Variants in MCTP2 observed in about 807,000 individuals in gnomAD.
MCTP2 encodes multiple C2 and transmembrane domain-containing protein 2.
MCTP2 carries 132 observed loss-of-function variants against 111.6 expected under a neutral mutation model. The observed-to-expected ratio is 1.18, with a 90% CI of 1.03 to 1.37. MCTP2 has a LOEUF of 1.37. MCTP2 is among the 40% of genes most tolerant of loss of function. The pLI is 0.00. For missense variants in MCTP2, 1,183 were observed against 1,067.9 expected, an observed-to-expected ratio of 1.11 and a Z score of -1.50; for synonymous variants, 395 against 387.7, an observed-to-expected ratio of 1.02 and a Z score of -0.22.
chr15:94,257,798 G>A (rs1057250084), intron 1 of MCTP2, among the ~76,000 whole-genome samples: 2 of 151,486 alleles, frequency 1.3e-5, no homozygotes, highest in Non-Finnish European at 2.9e-5. Flanking sequence ...TGTTGGCCAG[G>A]CTGGTCTTGA....
chr15:94,465,313 T>C (rs1375384112), intron 20 of MCTP2, among the ~76,000 whole-genome samples: 1 of 152,046 alleles, frequency 6.6e-6, no homozygotes, highest in Non-Finnish European at 1.5e-5. Flanking sequence ...ATGTCTGAAA[T>C]CATGGATAGT....
chr15:94,310,169 C>T (rs879572407), intron 2 of MCTP2, among the ~76,000 whole-genome samples: 4 of 152,284 alleles, frequency 2.6e-5, no homozygotes, highest in African/African-American at 4.8e-5. Flanking sequence ...ACAACCTTTA[C>T]GGATTTCGAA....
At chr15:94,256,520 G>A (rs2072782199) in intron 1 of MCTP2, among the ~76,000 whole-genome samples, 1 of 152,146 alleles carries the variant, frequency 6.6e-6, no homozygotes, top group Non-Finnish European at 1.5e-5. Context: ...CTTTCAGATA[G>A]CCAGTCTCAG....
intron 14 of MCTP2, among the ~76,000 whole-genome samples, chr15:94,396,454 A>T (rs572545683): frequency 5.9e-5 from 9 of 151,990 alleles, no homozygotes; most frequent in Non-Finnish European, 8.8e-5. Context: ...GTGTGTGTGT[A>T]TATATATATG....
At chr15:94,367,052 C>T (rs2079218918) in intron 10 of MCTP2, among the ~76,000 whole-genome samples, 2 of 152,212 alleles carry the variant, frequency 1.3e-5, no homozygotes, top group Non-Finnish European at 2.9e-5. Context: ...CCTGGGGAAA[C>T]CCTGTGGCAC....
At chr15:94,436,639 C>A (rs905250028) in intron 17 of MCTP2, among the ~76,000 whole-genome samples, 1 of 152,136 alleles carries the variant, frequency 6.6e-6, no homozygotes, top group African/African-American at 2.4e-5. Context: ...CTAAAACAAC[C>A]ATCTCCTTAA....
intron 17 of MCTP2, among the ~76,000 whole-genome samples, chr15:94,426,151 AG>A (rs2082881060): frequency 1.3e-5 from 2 of 151,300 alleles, no homozygotes; most frequent in Non-Finnish European, 3.0e-5. Context: ...TGAGAGAGAG[AG>A]AGAGAGAGAG....
chr15:94,454,968 G>C (rs535641852), intron 19 of MCTP2, among the ~76,000 whole-genome samples: 46 of 152,214 alleles, frequency 3.0e-4, no homozygotes, highest in African/African-American at 1.0e-3. Flanking sequence ...TTACAGGCAT[G>C]TGCCACCACA....
chr15:94,390,074 A>ATATATATATG (rs1567602313), intron 14 of MCTP2, among the ~76,000 whole-genome samples: 2,407 of 25,704 alleles, frequency 0.094, 83 homozygotes, highest in Non-Finnish European at 0.16. Context: ...ATATATATAT[A>ATATATATATG]TATATATATA....
intron 20 of MCTP2, among the ~76,000 whole-genome samples, chr15:94,468,814 G>A (rs1010046810): frequency 1.3e-5 from 2 of 152,098 alleles, no homozygotes; most frequent in Admixed American, 6.5e-5. Context: ...TTTTAGTAGA[G>A]ATGAGATTTC....
At chr15:94,415,341 ACT>A (rs1292807660) in intron 17 of MCTP2, among the ~76,000 whole-genome samples, 2 of 151,990 alleles carry the variant, frequency 1.3e-5, no homozygotes, top group Non-Finnish European at 2.9e-5. Flanking sequence ...AAAGGCATAA[ACT>A]CTGAATTAGG....
At chr15:94,266,096 G>A (rs1305941274) in intron 1 of MCTP2, among the ~76,000 whole-genome samples, 2 of 115,592 alleles carry the variant, frequency 1.7e-5, no homozygotes, top group Admixed American at 8.6e-5. Context: ...ACACACACAC[G>A]TGCTCTACAG....
At chr15:94,388,144 G>C (rs2080626067) in intron 14 of MCTP2, among the ~76,000 whole-genome samples, 1 of 152,238 alleles carries the variant, frequency 6.6e-6, no homozygotes, top group African/African-American at 2.4e-5. Context: ...AGGCCAGGAA[G>C]TGCTTGATTT....
chr15:94,320,221 C>A (rs1010979871), intron 4 of MCTP2, among the ~76,000 whole-genome samples: 1 of 150,220 alleles, frequency 6.7e-6, no homozygotes, highest in African/African-American at 2.5e-5. Context: ...CGGCTCACTG[C>A]AAGCTCCACC....
intron 18 of MCTP2, 109 bp downstream of exon 18, chr15:94,440,407 G>C: frequency 7.2e-7 from 1 of 1,390,358 alleles, no homozygotes; most frequent in Non-Finnish European, 9.9e-7. Context: ...GAGGTGTAAG[G>C]AGCAGCCCTG....
intron 12 of MCTP2, among the ~76,000 whole-genome samples, chr15:94,381,860 G>A (rs2080157457): frequency 6.6e-6 from 1 of 152,190 alleles, no homozygotes. Flanking sequence ...CACATGGCCA[G>A]CGTAAACTGT....
chr15:94,328,335 A>T (rs568914024), intron 4 of MCTP2, among the ~76,000 whole-genome samples: 1 of 151,722 alleles, frequency 6.6e-6, no homozygotes, highest in Non-Finnish European at 1.5e-5. Context: ...TCACTGTGTT[A>T]GCCAGGATGG....
chr15:94,355,944 A>G (rs976870727), intron 8 of MCTP2, 193 bp from the exon 9 acceptor site: 5 of 1,228,418 alleles, frequency 4.1e-6, no homozygotes, highest in Non-Finnish European at 5.1e-6. Context: ...TATTATTACC[A>G]CTCCAAAGCT....
At chr15:94,328,609 A>G (rs1226905986) in intron 4 of MCTP2, among the ~76,000 whole-genome samples, 1 of 152,176 alleles carries the variant, frequency 6.6e-6, no homozygotes, top group Non-Finnish European at 1.5e-5. Context: ...TTTCAGTGAC[A>G]GTTAGTCCTA....
Sources: allele counts gnomAD v4.1 joint callset (sites outside exome capture counted in the v4.1 genomes callset), GRCh38; gene constraint gnomAD v4.1.1; transcripts MANE v1.5; gene names NCBI Gene and HGNC (gene_info 2026-07-23, HGNC 2026-07-21).